LMNTD1: variants seen among roughly 807,000 people sequenced by gnomAD.
LMNTD1 encodes the protein lamin tail domain-containing protein 1.
In LMNTD1, 35 loss-of-function variants were observed where a neutral mutation model predicts 50.9. That is an observed-to-expected ratio of 0.69 (90% confidence interval 0.53 to 0.91). The LOEUF is 0.91. Among genes scored for constraint, LMNTD1 ranks in the 40% least tolerant of loss-of-function variants. The pLI is 0.00. For missense variants in LMNTD1, 470 were observed against 475.5 expected, an observed-to-expected ratio of 0.99 and a Z score of 0.11; for synonymous variants, 153 against 161.9, an observed-to-expected ratio of 0.94 and a Z score of 0.42.
chr12:25,572,236 A>T (rs917684041), intron 1 of LMNTD1, among the ~76,000 whole-genome samples: 1 of 152,242 alleles, frequency 6.6e-6, no homozygotes, highest in Non-Finnish European at 1.5e-5. Flanking sequence ...CATCCATCTT[A>T]TTAACTTTAA....
At chr12:25,529,208 C>T (rs1037070818) in intron 4 of LMNTD1, among the ~76,000 whole-genome samples, 12 of 152,148 alleles carry the variant, frequency 7.9e-5, no homozygotes, top group South Asian at 2.1e-4. Flanking sequence ...AGCCCCTTCA[C>T]GCATCTCCCA....
At chr12:25,589,251 T>G (rs937700558) in intron 1 of LMNTD1, among the ~76,000 whole-genome samples, 1 of 152,186 alleles carries the variant, frequency 6.6e-6, no homozygotes, top group Admixed American at 6.5e-5. Flanking sequence ...CACACACACC[T>G]ACATGAATGA....
intron 1 of LMNTD1, among the ~76,000 whole-genome samples, chr12:25,570,227 A>G (rs1435410028): frequency 6.6e-6 from 1 of 152,228 alleles, no homozygotes; most frequent in Non-Finnish European, 1.5e-5. Context: ...TTTAGATGAA[A>G]CTATAGTAGC....
chr12:25,634,599 A>G (rs1013089550), intron 1 of LMNTD1, among the ~76,000 whole-genome samples: 1 of 152,192 alleles, frequency 6.6e-6, no homozygotes, highest in Non-Finnish European at 1.5e-5. Flanking sequence ...ATCTCAATAA[A>G]TGCAGAAAAA....
At position 25,562,031 on chromosome 12, in the gene LMNTD1, T is replaced by C. The variant is rs142154057; in HGVS notation, c.59-15477A>G. Among the ~76,000 whole-genome samples the C allele has an allele frequency of 5.6e-3, 846 of 152,326 alleles. 24 individuals are homozygous for C. The East Asian group carries it at 0.072, about 13-fold the overall frequency. On this transcript the variant is annotated intron_variant, in intron 1 of 7. Coordinates refer to the LMNTD1 transcript ENST00000445693. ...CCTTTATTTTGAGCCTATGTGTGTCTCTGCACATGAGATGGGTCTGCTGAA... is the reference window on the plus strand; with the variant it reads ...CCTTTATTTTGAGCCTATGTGTGTCCCTGCACATGAGATGGGTCTGCTGAA...
At chr12:25,552,572 A>C in intron 2 of LMNTD1, among the ~76,000 whole-genome samples, 1 of 69,988 alleles carries the variant, frequency 1.4e-5, no homozygotes, top group African/African-American at 4.7e-5. Context: ...GCGCCACTGC[A>C]CTCTGTCTGA....
intron 1 of LMNTD1, among the ~76,000 whole-genome samples, chr12:25,588,664 T>TGAGGTCCTGG (rs1945611822): frequency 6.6e-6 from 1 of 152,194 alleles, no homozygotes; most frequent in African/African-American, 2.4e-5. Context: ...GTGGGGTTTC[T>TGAGGTCCTGG]GAGGTCCTGG....
At chr12:25,623,547 CTG>C (rs1372560178) in intron 1 of LMNTD1, among the ~76,000 whole-genome samples, 5 of 80,356 alleles carry the variant, frequency 6.2e-5, no homozygotes, top group Admixed American at 4.3e-4. Flanking sequence ...GAGCAAGACT[CTG>C]TCTCAAAAAA....
intron 4 of LMNTD1, among the ~76,000 whole-genome samples, chr12:25,536,129 A>C (rs1942565238): frequency 6.6e-6 from 1 of 152,168 alleles, no homozygotes; most frequent in Admixed American, 6.5e-5. Context: ...CAAATCCACA[A>C]CTTTGGTAGA....
intron 4 of LMNTD1, among the ~76,000 whole-genome samples, chr12:25,535,987 T>G (rs1417063096): frequency 4.9e-5 from 4 of 81,904 alleles, no homozygotes; most frequent in African/African-American, 1.5e-4. Context: ...ATAAAGAAAG[T>G]CATTTCATAA....
intron 1 of LMNTD1, among the ~76,000 whole-genome samples, chr12:25,635,059 G>A (rs768852848): frequency 1.3e-5 from 2 of 151,972 alleles, no homozygotes; most frequent in Non-Finnish European, 2.9e-5. Context: ...GATCAACATG[G>A]AGAAACCCCC....
At chr12:25,494,929 T>C (rs1207704312) in intron 9 of LMNTD1, among the ~76,000 whole-genome samples, 2 of 152,146 alleles carry the variant, frequency 1.3e-5, no homozygotes, top group Admixed American at 6.5e-5. Context: ...GGGTGTAAAA[T>C]AGATTTCCAG....
chr12:25,511,917 C>T (rs1441067147), intron 8 of LMNTD1, among the ~76,000 whole-genome samples: 2 of 152,140 alleles, frequency 1.3e-5, no homozygotes, highest in African/African-American at 4.8e-5. Flanking sequence ...TGCTTTGCCC[C>T]CCCTCTTTTC....
At chr12:25,525,057 G>T (rs1941607364) in intron 6 of LMNTD1, among the ~76,000 whole-genome samples, 1 of 152,166 alleles carries the variant, frequency 6.6e-6, no homozygotes, top group African/African-American at 2.4e-5. Context: ...GTAGTTATAT[G>T]ACATAGTAAG....
rs866986865 is a variant in LMNTD1, at chr12:25,487,999, T to G, written c.*23-11539A>C. On this transcript the variant is annotated intron_variant, in intron 9 of 9. Coordinates refer to ENST00000458174, the MANE Select transcript of LMNTD1 (RefSeq NM_001145728.2). ...GGCTTGTGGGGTTTCTGCCGAGAGA[T>G]CCACTGTTAGTCTGATGGGCTTCCC... Among the ~76,000 whole-genome samples the G allele has an allele frequency of 4.4e-3, 659 of 149,410 alleles. 8 individuals are homozygous for G. The highest frequency in any genetic ancestry group is 0.015 in the African/African-American group (606 of 40,640).
rs146449061 is a variant in LMNTD1, at chr12:25,578,631, C to T, written c.59-32077G>A. Among the ~76,000 whole-genome samples, 1,082 of 152,216 alleles carry T rather than the reference C, an allele frequency of 7.1e-3. 5 individuals are homozygous for T. Among genetic ancestry groups the T allele is most frequent in the Non-Finnish European group, 0.012 (808 of 67,996 alleles). On this transcript the variant is annotated intron_variant, in intron 1 of 7. Coordinates refer to the LMNTD1 transcript ENST00000445693. ...GACTAGTGCAGATTCAGACTATGAACCAAAACTTGGCAATTCCCACAGTTG... is the reference window on the plus strand; with the variant it reads ...GACTAGTGCAGATTCAGACTATGAATCAAAACTTGGCAATTCCCACAGTTG...
At chr12:25,562,888 A>T (rs1467920573) in intron 1 of LMNTD1, among the ~76,000 whole-genome samples, 4 of 151,990 alleles carry the variant, frequency 2.6e-5, no homozygotes, top group Non-Finnish European at 5.9e-5. Flanking sequence ...CATTCATTTG[A>T]TCTTCAATCA....
intron 4 of LMNTD1, among the ~76,000 whole-genome samples, chr12:25,534,958 T>C (rs1942481474): frequency 6.6e-6 from 1 of 152,122 alleles, no homozygotes; most frequent in African/African-American, 2.4e-5. Context: ...AAAAATATTC[T>C]AGCCCCCAAA....
At chr12:25,527,715 CACACATAT>C (rs1941906246) in intron 4 of LMNTD1, among the ~76,000 whole-genome samples, 2 of 121,840 alleles carry the variant, frequency 1.6e-5, no homozygotes, top group Non-Finnish European at 3.5e-5. Context: ...CACACACACA[CACACATAT>C]ACACACATAT....
Sources: gnomAD v4.1 joint callset for allele counts (sites outside exome capture counted in the v4.1 genomes callset) on GRCh38, gnomAD v4.1.1 for gene constraint, MANE v1.5 for transcripts, NCBI Gene and HGNC (gene_info 2026-07-23, HGNC 2026-07-21) for gene names.